COPG2: variants seen among roughly 807,000 people sequenced by gnomAD.
COPG2 encodes the protein coat protein complex I subunit gamma 2, also known as coatomer subunit gamma-2.
A neutral mutation model predicts 46.3 loss-of-function variants in COPG2; 37 were observed. That is an observed-to-expected ratio of 0.80 (90% confidence interval 0.61 to 1.05). COPG2 has a LOEUF of 1.05. Ranked by LOEUF, COPG2 falls within the 50% of genes least tolerant of loss-of-function variation. The pLI is 0.00. For synonymous variants in COPG2, 159 were observed against 129.7 expected (o/e 1.23, Z -1.53); for missense variants, 427 against 387.8 (o/e 1.10, Z -0.85).
At chr7:130,573,687 C>T (rs1160674834) in intron 9 of COPG2, among the ~76,000 whole-genome samples, 1 of 151,924 alleles carries the variant, frequency 6.6e-6, no homozygotes, top group Non-Finnish European at 1.5e-5. Flanking sequence ...CATAGATGAA[C>T]AAAAGTCAAT....
At chr7:130,603,447 T>G (rs1265765795) in intron 9 of COPG2, among the ~76,000 whole-genome samples, 1 of 152,158 alleles carries the variant, frequency 6.6e-6, no homozygotes, top group Non-Finnish European at 1.5e-5. Flanking sequence ...AATTTGGGCA[T>G]GGTGGCTCAT....
chr7:130,592,429 G>A (rs1794449793), intron 9 of COPG2, among the ~76,000 whole-genome samples: 1 of 148,474 alleles, frequency 6.7e-6, no homozygotes, highest in Non-Finnish European at 1.5e-5. Context: ...AATTTCTCAA[G>A]GTAGTACAAA....
chr7:130,627,554 A>G lies in COPG2; in HGVS notation c.324-10489T>C, dbSNP rs543394242. Among the ~76,000 whole-genome samples, 71 of 152,040 alleles carry G rather than the reference A, an allele frequency of 4.7e-4. 3 individuals carry two copies. In the South Asian group the frequency reaches 0.014, roughly 30 times the overall value. The stretch of plus-strand genomic sequence containing the variant: ...CATTGCACCCTAGCAACATGTTTCC[A>G]CTTTTTTAAAGAATCCGTCTTTCTT... On this transcript the variant is annotated intron_variant, in intron 5 of 23. Transcript: ENST00000425248.
intron 20 of COPG2, among the ~76,000 whole-genome samples, chr7:130,543,839 A>T (rs1161225254): frequency 2.0e-5 from 3 of 152,150 alleles, no homozygotes; most frequent in Non-Finnish European, 4.4e-5. Context: ...ATTGAAGATG[A>T]TGGGGTAGAA....
At chr7:130,634,191 T>G (rs75592569) in intron 5 of COPG2, among the ~76,000 whole-genome samples, 1 of 152,226 alleles carries the variant, frequency 6.6e-6, no homozygotes, top group South Asian at 2.1e-4. Flanking sequence ...TAGGATTGTC[T>G]TGGCTATGTG....
Position 130,585,836 on chromosome 7 carries a change from C to T in COPG2, c.738-21443G>A, listed in dbSNP as rs367572398. 1.2e-3 allele frequency among the ~76,000 whole-genome samples: 180 copies of T among 152,108 alleles called. 1 individual carries two copies. Among genetic ancestry groups the T allele is most frequent in the African/African-American group, 3.6e-3 (149 of 41,534 alleles). The stretch of plus-strand genomic sequence containing the variant: ...AAAACAGTACATGTTGGCATGGATG[C>T]GGTGAACAGGGAATACTTCTACACT... On this transcript the variant is annotated intron_variant, in intron 9 of 23. Coordinates refer to ENST00000425248, the MANE Select transcript of COPG2 (RefSeq NM_012133.6).
intron 20 of COPG2, among the ~76,000 whole-genome samples, chr7:130,538,192 A>T (rs1007043817): frequency 2.9e-4 from 44 of 152,250 alleles, no homozygotes; most frequent in Non-Finnish European, 5.7e-4. Flanking sequence ...GAGGAGGTGG[A>T]GCATGTCTGG....
At chr7:130,525,044 G>A (rs1799760555) in intron 20 of COPG2, among the ~76,000 whole-genome samples, 1 of 152,158 alleles carries the variant, frequency 6.6e-6, no homozygotes, top group Non-Finnish European at 1.5e-5. Context: ...GAGAAAATGG[G>A]TGGATGAGTG....
intron 3 of COPG2, among the ~76,000 whole-genome samples, chr7:130,663,730 C>CTTT (rs71178602): frequency 4.6e-4 from 31 of 67,152 alleles, no homozygotes; most frequent in African/African-American, 7.8e-4. Flanking sequence ...CATTTCTTTT[C>CTTT]TTTTTTTTTT....
chr7:130,537,546 G>C (rs1454940000), intron 20 of COPG2, among the ~76,000 whole-genome samples: 2 of 150,714 alleles, frequency 1.3e-5, no homozygotes, highest in East Asian at 3.9e-4. Context: ...CTGGGCCCAG[G>C]AGCTGGGAGC....
At chr7:130,616,961 T>G in intron 6 of COPG2, 29 bp downstream of exon 6, 3 of 1,480,258 alleles carry the variant, frequency 2.0e-6, no homozygotes, top group Admixed American at 1.8e-5. Context: ...AGTGTTCCAT[T>G]TGGTAACTCA....
intron 6 of COPG2, among the ~76,000 whole-genome samples, chr7:130,614,429 T>C (rs1319060433): frequency 6.6e-6 from 1 of 152,168 alleles, no homozygotes; most frequent in Admixed American, 6.5e-5. Flanking sequence ...CTTTACAACT[T>C]AAGAAGGTTA....
At chr7:130,514,501 A>T (rs547248999) in intron 20 of COPG2, among the ~76,000 whole-genome samples, 12 of 152,358 alleles carry the variant, frequency 7.9e-5, no homozygotes, top group African/African-American at 2.6e-4. Flanking sequence ...TTTTCTACAG[A>T]TGAGAGACAG....
intron 9 of COPG2, among the ~76,000 whole-genome samples, chr7:130,584,593 T>C (rs1289020539): frequency 6.6e-6 from 1 of 152,026 alleles, no homozygotes; most frequent in Non-Finnish European, 1.5e-5. Context: ...TTAGAACTGA[T>C]ACAAGAATTC....
chr7:130,594,484 C>T (rs1276703234), intron 9 of COPG2, among the ~76,000 whole-genome samples: 1 of 152,070 alleles, frequency 6.6e-6, no homozygotes, highest in East Asian at 1.9e-4. Context: ...ACCAAAAGCA[C>T]AAGCAAACAA....
At chr7:130,573,926 A>G (rs1027977504) in intron 9 of COPG2, among the ~76,000 whole-genome samples, 1 of 152,212 alleles carries the variant, frequency 6.6e-6, no homozygotes, top group African/African-American at 2.4e-5. Context: ...TTTGGAAAAT[A>G]GTTTGGCAAT....
chr7:130,578,499 A>G (rs1336331033), intron 9 of COPG2, among the ~76,000 whole-genome samples: 1 of 151,910 alleles, frequency 6.6e-6, no homozygotes, highest in East Asian at 1.9e-4. Flanking sequence ...CTGGATGGAG[A>G]ATGACTTTGA....
intron 9 of COPG2, among the ~76,000 whole-genome samples, chr7:130,590,057 T>A (rs1212485510): frequency 7.2e-5 from 11 of 152,226 alleles, no homozygotes; most frequent in African/African-American, 2.7e-4. Context: ...AAAGATTGTA[T>A]TTTTCTTATG....
chr7:130,570,441 C>T (rs1554445377), intron 9 of COPG2, among the ~76,000 whole-genome samples: 2 of 152,214 alleles, frequency 1.3e-5, no homozygotes, highest in Admixed American at 1.3e-4. Flanking sequence ...AAGAACTCAA[C>T]CCCTTTTACA....
Sources: gnomAD v4.1 joint callset for allele counts (sites outside exome capture counted in the v4.1 genomes callset) on GRCh38, gnomAD v4.1.1 for gene constraint, MANE v1.5 for transcripts, NCBI Gene and HGNC (gene_info 2026-07-23, HGNC 2026-07-21) for gene names.